BCAS3: variants seen among roughly 807,000 people sequenced by gnomAD.
BCAS3 encodes the protein BCAS4/BCAS3 fusion.
Under a neutral mutation model 116.1 loss-of-function variants are expected in BCAS3, and 53 were observed. The ratio of observed to expected loss-of-function variants is 0.46; its 90% CI spans 0.37 to 0.57. The LOEUF is 0.57. Among genes scored for constraint, BCAS3 ranks in the 20% least tolerant of loss-of-function variants. BCAS3 has a pLI of 0.00. For synonymous variants in BCAS3, 391 were observed against 408.2 expected (o/e 0.96, Z 0.51); for missense variants, 917 against 1,165.4 (o/e 0.79, Z 3.10).
At chr17:60,816,168 T>C (rs1474960624) in intron 7 of BCAS3, among the ~76,000 whole-genome samples, 1 of 152,240 alleles carries the variant, frequency 6.6e-6, no homozygotes, top group Admixed American at 6.5e-5. Context: ...CCATGTAGTT[T>C]AGACTTTGTC....
At chr17:60,837,260 A>T (rs1004610485) in intron 7 of BCAS3, among the ~76,000 whole-genome samples, 1 of 152,176 alleles carries the variant, frequency 6.6e-6, no homozygotes, top group Non-Finnish European at 1.5e-5. Flanking sequence ...AACATCCACA[A>T]CCTTGTTTAA....
At chr17:61,290,841 C>T (rs1030407995) in intron 22 of BCAS3, among the ~76,000 whole-genome samples, 2 of 152,032 alleles carry the variant, frequency 1.3e-5, no homozygotes, top group Non-Finnish European at 2.9e-5. Flanking sequence ...AGTGCAGTGG[C>T]GTGATCTCGG....
At chr17:60,954,327 G>A (rs1004365474) in intron 14 of BCAS3, among the ~76,000 whole-genome samples, 1 of 152,014 alleles carries the variant, frequency 6.6e-6, no homozygotes, top group Non-Finnish European at 1.5e-5. Context: ...TTTTGCTTAG[G>A]ATTACGTTGG....
chr17:61,066,358 T>C (rs1440554860), intron 19 of BCAS3, among the ~76,000 whole-genome samples: 1 of 152,242 alleles, frequency 6.6e-6, no homozygotes, highest in African/African-American at 2.4e-5. Flanking sequence ...TTCATTATGC[T>C]TTGTGCTTGT....
In BCAS3 at chr17:61,136,318, C is replaced by G. The variant is rs1048208114; in HGVS notation, c.2425+51754C>G. On this transcript the variant is annotated intron_variant, in intron 22 of 23. Transcript: ENST00000407086. This position sits in a 1 kb window ranked among gnomAD's most constrained non-coding sequence, Gnocchi z 4.4. Reference sequence around the variant, plus strand: ...TTTGTTTCCACCTTGCATTCACCCACTAGACAGTAAGCTTTTTCAAGACAG... The same window carrying G: ...TTTGTTTCCACCTTGCATTCACCCAGTAGACAGTAAGCTTTTTCAAGACAG... 6.6e-6 allele frequency among the ~76,000 whole-genome samples: 1 copy of G among 152,204 alleles called. No homozygotes were observed. Among genetic ancestry groups the G allele is most frequent in the Non-Finnish European group, 1.5e-5 (1 of 68,042 alleles).
chr17:61,230,497 T>C (rs1289175704), intron 22 of BCAS3, among the ~76,000 whole-genome samples: 1 of 152,114 alleles, frequency 6.6e-6, no homozygotes, highest in Non-Finnish European at 1.5e-5. Context: ...ATTGTTCCCA[T>C]GTTTATGCCC....
intron 5 of BCAS3, among the ~76,000 whole-genome samples, chr17:60,728,945 G>T (rs1163243817): frequency 6.6e-6 from 1 of 152,134 alleles, no homozygotes; most frequent in African/African-American, 2.4e-5. Context: ...CACCATTGGG[G>T]AGAAAATGTA....
At chr17:60,927,419 A>C (rs1314302561) in intron 13 of BCAS3, among the ~76,000 whole-genome samples, 1 of 150,844 alleles carries the variant, frequency 6.6e-6, no homozygotes, top group South Asian at 2.1e-4. Flanking sequence ...CGCCCAGCTA[A>C]TTTTTTTTTG....
chr17:61,110,959 C>T lies in BCAS3; in HGVS notation c.2425+26395C>T, dbSNP rs530869322. ...CCCTCAGCAGCCTAACTGGGAGGCA[C>T]CCCCCAGCAGGGGCACACTGACACC... On this transcript the variant is annotated intron_variant, in intron 22 of 23. Coordinates refer to ENST00000407086, the MANE Select transcript of BCAS3 (RefSeq NM_017679.5). Among the ~76,000 whole-genome samples, 112 of 152,244 alleles carry T rather than the reference C, an allele frequency of 7.4e-4. 2 individuals are homozygous for T. The East Asian group carries it at 0.021, about 28-fold the overall frequency.
chr17:60,804,511 T>C (rs1598831893), intron 6 of BCAS3, among the ~76,000 whole-genome samples: 1 of 152,110 alleles, frequency 6.6e-6, no homozygotes, highest in Non-Finnish European at 1.5e-5. Flanking sequence ...AAACAAAAGG[T>C]AGTATATTAT....
chr17:60,784,896 G>C (rs2046156420), intron 6 of BCAS3, among the ~76,000 whole-genome samples: 1 of 151,954 alleles, frequency 6.6e-6, no homozygotes, highest in African/African-American at 2.4e-5. Flanking sequence ...AGGAGTTTGA[G>C]ACCAGCCTGG....
At chr17:61,221,510 A>T (rs1317955779) in intron 22 of BCAS3, among the ~76,000 whole-genome samples, 1 of 152,240 alleles carries the variant, frequency 6.6e-6, no homozygotes, top group Non-Finnish European at 1.5e-5. Flanking sequence ...CTATTAAGGG[A>T]TAAATCTGAT....
intron 6 of BCAS3, among the ~76,000 whole-genome samples, chr17:60,765,556 A>G (rs1056822388): frequency 1.3e-5 from 2 of 152,136 alleles, no homozygotes; most frequent in African/African-American, 2.4e-5. Flanking sequence ...CTGCTGAGAG[A>G]TCAGCTGTTA....
chr17:60,810,110 G>A (rs1424373088), intron 7 of BCAS3: 2 of 329,250 alleles, frequency 6.1e-6, no homozygotes, highest in Non-Finnish European at 1.2e-5. Flanking sequence ...AATCATACCT[G>A]ACTGGTCTTC....
At chr17:61,045,552 T>G (rs974709961) in intron 19 of BCAS3, among the ~76,000 whole-genome samples, 1 of 149,098 alleles carries the variant, frequency 6.7e-6, no homozygotes, top group Non-Finnish European at 1.5e-5. Flanking sequence ...CAGTGGCTCA[T>G]GCCTGTAATC....
At chr17:60,710,746 A>G (rs941325735) in intron 5 of BCAS3, among the ~76,000 whole-genome samples, 1 of 125,846 alleles carries the variant, frequency 7.9e-6, no homozygotes, top group Non-Finnish European at 1.5e-5. Flanking sequence ...TTTTTAAGTT[A>G]AAAAAATGTT....
At chr17:60,790,740 G>GTTTTT (rs541425777) in intron 6 of BCAS3, among the ~76,000 whole-genome samples, 8 of 118,962 alleles carry the variant, frequency 6.7e-5, no homozygotes, top group Non-Finnish European at 1.4e-4. Context: ...GTGTTTGTAG[G>GTTTTT]TTTTTTTTTT....
rs550694588 is a variant in BCAS3, at chr17:60,797,358, T to TTTTA, written c.404-10622_404-10619dup. On this transcript the variant is annotated intron_variant, in intron 6 of 23. Coordinates refer to ENST00000407086, the MANE Select transcript of BCAS3 (RefSeq NM_017679.5). ...AAGAGTTTGCTACATTTATTTTTAC[T>TTTTA]TTTATTTATTTATTTATTTATTTAT... 7.5e-3 allele frequency among the ~76,000 whole-genome samples: 1,138 copies of TTTTA among 151,840 alleles called. 37 individuals are homozygous for TTTTA. The highest frequency in any genetic ancestry group is 0.058 in the Admixed American group (882 of 15,160).
At chr17:60,795,392 T>G (rs1406051710) in intron 6 of BCAS3, among the ~76,000 whole-genome samples, 3 of 152,184 alleles carry the variant, frequency 2.0e-5, no homozygotes, top group Non-Finnish European at 4.4e-5. Flanking sequence ...TCTTCACTGA[T>G]TTGGATGCTC....
Sources: gnomAD v4.1 joint callset for allele counts (sites outside exome capture counted in the v4.1 genomes callset) on GRCh38, gnomAD v4.1.1 for gene constraint, Gnocchi (gnomAD v3.1) non-coding constraint, MANE v1.5 for transcripts, NCBI Gene and HGNC (gene_info 2026-07-23, HGNC 2026-07-21) for gene names.